The following CELF2 variants were observed in gnomAD, a reference collection of about 807,000 sequenced individuals.
CELF2 encodes CUG triplet repeat RNA-binding protein 2.
In CELF2, 8 loss-of-function variants were observed where a neutral mutation model predicts 62.6. That is an observed-to-expected ratio of 0.13 (90% CI 0.07 to 0.23). CELF2 has a LOEUF of 0.23. Ranked by LOEUF, CELF2 falls within the 10% of genes least tolerant of loss-of-function variation. The probability of loss-of-function intolerance (pLI) is 1.00; values close to 1 mark genes in which losing one functional copy is unlikely to be tolerated. For synonymous variants in CELF2, 258 were observed against 250.0 expected (o/e 1.03, Z -0.30); for missense variants, 333 against 671.0 (o/e 0.50, Z 5.56).
rs767229773 is a variant in CELF2, at chr10:11,309,656, G to A, written c.977-4483G>A. 7.9e-5 allele frequency among the ~76,000 whole-genome samples: 12 copies of A among 152,110 alleles called. No individual in the cohort carries two copies. The highest frequency in any genetic ancestry group is 1.9e-4 in the African/African-American group (8 of 41,434). ...GCTCTGACTGTGGCTGGGCCCTTTC[G>A]TAGGGGTGCTCTTTCGGCCAGTCCT... On this transcript the variant is annotated intron_variant, in intron 9 of 12. Coordinates refer to ENST00000633077, the MANE Select transcript of CELF2 (RefSeq NM_001326342.2). The surrounding 1 kb of genome is among the most constrained non-coding windows in gnomAD (Gnocchi z 5.6).
At chr10:11,150,385 C>T (rs897677305) in intron 1 of CELF2, among the ~76,000 whole-genome samples, 10 of 152,204 alleles carry the variant, frequency 6.6e-5, no homozygotes, top group African/African-American at 2.4e-4. Flanking sequence ...AACTTGCGAT[C>T]CACCTTGTTT....
chr10:10,990,374 T>C lies in CELF2; in HGVS notation c.89+70375T>C, dbSNP rs1200120942. Among the ~76,000 whole-genome samples, 1 of 152,136 alleles carries C rather than the reference T, an allele frequency of 6.6e-6. No individual in the cohort carries two copies. Among genetic ancestry groups the C allele is most frequent in the East Asian group, 1.9e-4 (1 of 5,198 alleles). ...GACTAAAAGGAAATATTACCAAAAG[T>C]TAAACAATTTTGTATCTAGTGAGAT... On this transcript the variant is annotated intron_variant, in intron 2 of 13. Coordinates refer to the CELF2 transcript ENST00000636488. The surrounding 1 kb of genome is among the most constrained non-coding windows in gnomAD (Gnocchi z 4.6).
intron 2 of CELF2, among the ~76,000 whole-genome samples, chr10:10,978,094 T>C (rs1743590775): frequency 2.0e-5 from 3 of 151,326 alleles, no homozygotes; most frequent in Non-Finnish European, 4.4e-5. Flanking sequence ...TTTTCAGAAG[T>C]TGGTCACAGA....
At chr10:10,719,578 G>T in the CELF2 span, among the ~76,000 whole-genome samples, 1 of 152,088 alleles carries the variant, frequency 6.6e-6, no homozygotes, top group Admixed American at 6.6e-5. Flanking sequence ...TATATTGATT[G>T]CTTTTATATG....
intron 2 of CELF2, chr10:10,966,712 G>A (rs1467899272): frequency 3.3e-5 from 5 of 152,142 alleles, no homozygotes; most frequent in African/African-American, 4.8e-5. Context: ...ATGATGAGAG[G>A]ACCAGGATAA....
At chr10:10,674,857 A>G in the CELF2 span, among the ~76,000 whole-genome samples, 1 of 152,180 alleles carries the variant, frequency 6.6e-6, no homozygotes, top group African/African-American at 2.4e-5. Context: ...ATACCTTATA[A>G]TAACAAAACA....
chr10:11,258,307 G>A (rs2079422083), intron 5 of CELF2, among the ~76,000 whole-genome samples: 1 of 152,216 alleles, frequency 6.6e-6, no homozygotes, highest in Non-Finnish European at 1.5e-5. Context: ...TGGGAAAAAA[G>A]CGTCAATGTT....
At chr10:10,558,968 TAAG>T in the CELF2 span, among the ~76,000 whole-genome samples, 4 of 152,156 alleles carry the variant, frequency 2.6e-5, no homozygotes, top group African/African-American at 7.2e-5. Flanking sequence ...AAGAATAATA[TAAG>T]AAGATCTCAT....
the CELF2 span, among the ~76,000 whole-genome samples, chr10:10,496,258 T>G: frequency 6.6e-6 from 1 of 152,130 alleles, no homozygotes. Context: ...CATTCGGTAA[T>G]TACTGTTGAA....
Position 11,310,737 on chromosome 10 carries a change from C to T in CELF2, c.977-3402C>T, listed in dbSNP as rs182342095. 2.6e-5 allele frequency among the ~76,000 whole-genome samples: 4 copies of T among 151,542 alleles called. No individual in the cohort carries two copies. The East Asian group carries it at 7.8e-4, about 29-fold the overall frequency. ...ATGTAGACTGGCATCGGATGCAGTC[C>T]CTAGAAAATACCCCAAATAGGAGAG... On this transcript the variant is annotated intron_variant, in intron 9 of 12. Coordinates refer to ENST00000633077, the MANE Select transcript of CELF2 (RefSeq NM_001326342.2).
the CELF2 span, among the ~76,000 whole-genome samples, chr10:10,536,406 C>T: frequency 6.6e-6 from 1 of 152,226 alleles, no homozygotes; most frequent in Non-Finnish European, 1.5e-5. Context: ...ACACTGGTCA[C>T]ATAAATACCC....
rs74466162 is a variant in CELF2 at position 11,207,981 on chromosome 10, A to G, written c.272-9444A>G. 0.014 allele frequency among the ~76,000 whole-genome samples: 2,078 copies of G among 152,332 alleles called. 27 individuals carry two copies. The highest frequency in any genetic ancestry group is 0.022 in the Non-Finnish European group (1,465 of 68,020). ...AAGAGACATTTTAGGTGACATGAAC[A>G]GAGTGTGAAGCAGATCTTTCAGAGT... On this transcript the variant is annotated intron_variant, in intron 2 of 12. Coordinates refer to ENST00000633077, the MANE Select transcript of CELF2 (RefSeq NM_001326342.2). This position sits in a 1 kb window ranked among gnomAD's most constrained non-coding sequence, Gnocchi z 4.1.
intron 5 of CELF2, among the ~76,000 whole-genome samples, chr10:11,258,829 G>C (rs1311330965): frequency 6.6e-6 from 1 of 152,248 alleles, no homozygotes; most frequent in Non-Finnish European, 1.5e-5. Flanking sequence ...TGGGACGACA[G>C]GTGCACGCTA....
the CELF2 span, among the ~76,000 whole-genome samples, chr10:10,653,816 G>A: frequency 2.7e-5 from 4 of 148,346 alleles, no homozygotes; most frequent in East Asian, 7.8e-4. Flanking sequence ...AACTGGAAAA[G>A]CAAGAGCAAA....
the CELF2 span, among the ~76,000 whole-genome samples, chr10:10,765,600 AGTG>A: frequency 6.6e-6 from 1 of 152,290 alleles, no homozygotes; most frequent in East Asian, 1.9e-4. Context: ...CCCCCTTCAA[AGTG>A]GTGGCCAGCC....
intron 1 of CELF2, among the ~76,000 whole-genome samples, chr10:10,834,760 G>T (rs2058140108): frequency 6.6e-6 from 1 of 152,166 alleles, no homozygotes; most frequent in African/African-American, 2.4e-5. Context: ...GGTTTGATGT[G>T]ATAGATAATA....
At position 11,046,278 on chromosome 10, in the gene CELF2, C is replaced by T. The variant is rs889790951; in HGVS notation, c.74+28115C>T. 6.6e-6 allele frequency among the ~76,000 whole-genome samples: 1 copy of T among 152,142 alleles called. No homozygotes were observed. The highest frequency in any genetic ancestry group is 1.5e-5 in the Non-Finnish European group (1 of 68,016). ...TGGGGCTGGGAATTTGCATCTCTAACGAGTTCCCAGGTGATTGTGATGCCC... is the reference window on the plus strand; with the variant it reads ...TGGGGCTGGGAATTTGCATCTCTAATGAGTTCCCAGGTGATTGTGATGCCC... On this transcript the variant is annotated intron_variant, in intron 1 of 12. Transcript: ENST00000633077. The surrounding 1 kb of genome is among the most constrained non-coding windows in gnomAD (Gnocchi z 4.6).
the CELF2 span, among the ~76,000 whole-genome samples, chr10:10,555,897 C>G: frequency 6.6e-6 from 1 of 152,162 alleles, no homozygotes; most frequent in African/African-American, 2.4e-5. Flanking sequence ...CTGTTCCAGA[C>G]TTGCCAGGAT....
At chr10:11,276,825 G>A (rs77462070) in intron 8 of CELF2, among the ~76,000 whole-genome samples, 8,748 of 152,340 alleles carry the variant, frequency 0.057, 265 homozygotes, top group Middle Eastern at 0.13. Context: ...ACCAGCCACA[G>A]GTCAGGATGC....
Sources: allele counts gnomAD v4.1 joint callset (sites outside exome capture counted in the v4.1 genomes callset), GRCh38; gene constraint gnomAD v4.1.1; non-coding constraint Gnocchi (gnomAD v3.1); transcripts MANE v1.5; gene names NCBI Gene and HGNC (gene_info 2026-07-23, HGNC 2026-07-21).